SNX29: variants seen among roughly 807,000 people sequenced by gnomAD.
SNX29 encodes the protein sorting nexin-29.
A neutral mutation model predicts 102.1 loss-of-function variants in SNX29; 78 were observed. That is an observed-to-expected ratio of 0.76 (90% CI 0.64 to 0.92). The LOEUF is 0.92. SNX29 is among the 40% of genes least tolerant of loss of function. The probability of loss-of-function intolerance (pLI) is 0.00; values close to 1 mark genes in which losing one functional copy is unlikely to be tolerated. For missense variants in SNX29, 1,280 were observed against 1,061.7 expected, an observed-to-expected ratio of 1.21 and a Z score of -2.86; for synonymous variants, 580 against 414.5, an observed-to-expected ratio of 1.40 and a Z score of -4.85.
chr16:12,061,774 G>C (rs528477302), intron 9 of SNX29, 128 bp downstream of exon 9: 3 of 733,516 alleles, frequency 4.1e-6, no homozygotes, highest in African/African-American at 3.5e-5. Context: ...GTGTGGTTCA[G>C]GGCCAGGGGG....
At chr16:12,012,521 G>A (rs566518526) in intron 3 of SNX29, among the ~76,000 whole-genome samples, 2 of 152,204 alleles carry the variant, frequency 1.3e-5, no homozygotes, top group Admixed American at 6.6e-5. Flanking sequence ...TGATTCTCCT[G>A]CCTCAGCCTC....
At chr16:12,379,576 C>T (rs1179619099) in intron 16 of SNX29, among the ~76,000 whole-genome samples, 1 of 152,190 alleles carries the variant, frequency 6.6e-6, no homozygotes, top group Non-Finnish European at 1.5e-5. Context: ...CTCAAAGAGT[C>T]ATCAGTTTCA....
intron 14 of SNX29, among the ~76,000 whole-genome samples, chr16:12,264,539 T>C (rs1026690090): frequency 6.6e-6 from 1 of 152,212 alleles, no homozygotes; most frequent in Admixed American, 6.5e-5. Context: ...CCCAGCACTT[T>C]GGGAGGCTAA....
intron 18 of SNX29, among the ~76,000 whole-genome samples, chr16:12,436,554 AG>A (rs2085548673): frequency 6.6e-6 from 1 of 152,172 alleles, no homozygotes; most frequent in African/African-American, 2.4e-5. Flanking sequence ...GGGATTCAGG[AG>A]GGCTGAGGGG....
At chr16:12,498,120 G>T (rs1228621269) in intron 19 of SNX29, among the ~76,000 whole-genome samples, 1 of 152,230 alleles carries the variant, frequency 6.6e-6, no homozygotes, top group African/African-American at 2.4e-5. Flanking sequence ...GGGATAAGCA[G>T]CATTCAGCTA....
chr16:12,181,950 C>T (rs2141839309), intron 13 of SNX29, among the ~76,000 whole-genome samples: 1 of 151,272 alleles, frequency 6.6e-6, no homozygotes, highest in African/African-American at 2.4e-5. Context: ...GTGGCACGAT[C>T]TCAGCTCAAT....
rs138790501 is a variant in SNX29, at chr16:12,525,738, A to G, written c.2318+897A>G. Among the ~76,000 whole-genome samples the G allele has an allele frequency of 5.1e-5, 7 of 137,536 alleles. No individual in the cohort carries two copies. In the East Asian group the frequency reaches 1.4e-3, roughly 27 times the overall value. The allele number at this position is 137,536 out of a possible 152,430, so 90.2% of individuals were successfully genotyped here. ...AAAAAGAAAAAATCATTACACTTCAAAATTGTCAATTAACCCAACGGATGC... is the reference window on the plus strand; with the variant it reads ...AAAAAGAAAAAATCATTACACTTCAGAATTGTCAATTAACCCAACGGATGC... On this transcript the variant is annotated intron_variant, in intron 20 of 20. Coordinates refer to ENST00000566228, the MANE Select transcript of SNX29 (RefSeq NM_032167.5).
chr16:12,359,129 A>G (rs896676734), intron 16 of SNX29, among the ~76,000 whole-genome samples: 2 of 152,106 alleles, frequency 1.3e-5, no homozygotes, highest in African/African-American at 2.4e-5. Flanking sequence ...GTCTTGTGGG[A>G]CTGAGCCTCA....
Position 12,572,869 on chromosome 16 carries a change from A to T in SNX29, c.*4240A>T, listed in dbSNP as rs528001166. ...CCAGGTTTCAGCCCTAAAGGTAATG[A>T]TTGTCTTGACTCTGCCTTGGCATTT... On this transcript the variant is annotated 3_prime_UTR_variant, in exon 21 of 21. Coordinates refer to ENST00000566228, the MANE Select transcript of SNX29 (RefSeq NM_032167.5). 140 of 1,062,812 alleles carry T rather than the reference A, an allele frequency of 1.3e-4. 1 individual carries two copies. In the African/African-American group the frequency reaches 2.1e-3, roughly 16 times the overall value. The allele number at this position is 1,062,812 out of a possible 1,614,324, so 65.8% of individuals were successfully genotyped here.
At chr16:12,564,778 C>T (rs1046006883) in intron 20 of SNX29, among the ~76,000 whole-genome samples, 4 of 151,988 alleles carry the variant, frequency 2.6e-5, no homozygotes, top group Middle Eastern at 3.4e-3. Flanking sequence ...TTTATGATTG[C>T]AGCCAGCTAA....
intron 14 of SNX29, among the ~76,000 whole-genome samples, chr16:12,270,651 C>T (rs1404301158): frequency 6.6e-6 from 1 of 151,982 alleles, no homozygotes; most frequent in African/African-American, 2.4e-5. Context: ...ACATTTACCT[C>T]TTATTTATAT....
chr16:12,237,461 G>A (rs1274846228), intron 14 of SNX29, among the ~76,000 whole-genome samples: 6 of 152,216 alleles, frequency 3.9e-5, no homozygotes, highest in Non-Finnish European at 7.3e-5. Context: ...TGACAGCCAT[G>A]CCCCTGGATA....
intron 18 of SNX29, among the ~76,000 whole-genome samples, chr16:12,412,315 C>G (rs529076879): frequency 1.3e-3 from 202 of 152,312 alleles, no homozygotes; most frequent in African/African-American, 4.6e-3. Context: ...CTGCCTCATG[C>G]CTCTGTCTGC....
In SNX29 at chr16:12,570,742, G is replaced by T. The variant is rs538931740; in HGVS notation, c.*2113G>T. On this transcript the variant is annotated 3_prime_UTR_variant, in exon 21 of 21. Transcript: ENST00000566228. ...ATTGGTCTCTCTCCAGATACCCCAC[G>T]AGGAAGCACCTTGGACATTCTGCAC... is the stretch of plus-strand genomic sequence containing the variant. 1.3e-5 allele frequency: 3 copies of T among 231,934 alleles called. No individual in the cohort carries two copies. Among genetic ancestry groups the T allele is most frequent in the East Asian group, 6.1e-5 (1 of 16,412 alleles). The allele number at this position is 231,934 out of a possible 1,614,324, so 14.4% of individuals were successfully genotyped here.
Position 12,570,779 on chromosome 16 carries a change from G to T in SNX29, c.*2150G>T. 1 of 118,332 alleles carries T rather than the reference G, an allele frequency of 8.5e-6. No homozygotes were observed. Among genetic ancestry groups the T allele is most frequent in the Non-Finnish European group, 1.5e-5 (1 of 68,110 alleles). 7.3% of individuals were successfully genotyped at this position (118,332 alleles called of 1,614,324 possible). A position where few individuals can be genotyped will look rare whatever the true frequency, so the allele number is the denominator to read the frequency against. ...TGGACATTCTGCACATGATAATAAT[G>T]CAACAGTCCCCCATTGCTGAGAGAT... is the stretch of plus-strand genomic sequence containing the variant. On this transcript the variant is annotated 3_prime_UTR_variant, in exon 21 of 21. Transcript: ENST00000566228.
chr16:12,419,790 C>G (rs2084799748), intron 18 of SNX29, among the ~76,000 whole-genome samples: 1 of 152,156 alleles, frequency 6.6e-6, no homozygotes, highest in South Asian at 2.1e-4. Context: ...GTCTGCTGAC[C>G]CCAGTGCCTG....
chr16:12,186,034 GTC>G (rs1315460364), intron 13 of SNX29, among the ~76,000 whole-genome samples: 2 of 152,116 alleles, frequency 1.3e-5, no homozygotes, highest in Non-Finnish European at 2.9e-5. Flanking sequence ...TAGTAGGTGG[GTC>G]TTGTTATTCC....
intron 14 of SNX29, among the ~76,000 whole-genome samples, chr16:12,267,033 G>C (rs547548690): frequency 2.0e-5 from 3 of 152,284 alleles, no homozygotes; most frequent in Non-Finnish European, 4.4e-5. Flanking sequence ...AAAGTGCTGG[G>C]ATCACAGTGA....
intron 13 of SNX29, among the ~76,000 whole-genome samples, chr16:12,153,202 G>T (rs991561043): frequency 3.9e-5 from 6 of 152,196 alleles, no homozygotes; most frequent in African/African-American, 1.4e-4. Flanking sequence ...GTTCGAGGTT[G>T]CAGTGAGCTG....
Sources: gnomAD v4.1 joint callset for allele counts (sites outside exome capture counted in the v4.1 genomes callset) on GRCh38, gnomAD v4.1.1 for gene constraint, MANE v1.5 for transcripts, NCBI Gene and HGNC (gene_info 2026-07-23, HGNC 2026-07-21) for gene names.